WWOX: variants seen among roughly 807,000 people sequenced by gnomAD.
WWOX encodes WW domain containing oxidoreductase.
Under a neutral mutation model 46.2 loss-of-function variants are expected in WWOX, and 69 were observed. The ratio of observed to expected loss-of-function variants is 1.49; its 90% confidence interval spans 1.23 to 1.82. The LOEUF (loss-of-function observed/expected upper bound fraction) is 1.82, where lower values mean the gene tolerates loss of function less well. Among genes scored for constraint, WWOX ranks in the 40% most tolerant of loss-of-function variants. The probability of loss-of-function intolerance (pLI) is 0.00; values close to 1 mark genes in which losing one functional copy is unlikely to be tolerated. For synonymous variants in WWOX, 359 were observed against 202.6 expected (o/e 1.77, Z -6.56); for missense variants, 919 against 542.6 (o/e 1.69, Z -6.89).
chr16:78,652,196 G>C (rs1268197566), intron 8 of WWOX, among the ~76,000 whole-genome samples: 2 of 151,966 alleles, frequency 1.3e-5, no homozygotes, highest in African/African-American at 4.8e-5. Flanking sequence ...CAGATCACGA[G>C]GTCAAGAGAT....
At chr16:78,103,250 T>G (rs1289041088) in intron 1 of WWOX, among the ~76,000 whole-genome samples, 4 of 51,744 alleles carry the variant, frequency 7.7e-5, no homozygotes, top group African/African-American at 8.2e-5. Context: ...CTGTTTTTTT[T>G]TTTTTTTTTT....
At chr16:78,100,089 C>T (rs539196911) in intron 1 of WWOX, 2 of 1,381,046 alleles carry the variant, frequency 1.4e-6, no homozygotes, top group Non-Finnish European at 9.4e-7. Context: ...CGGGGGTCAC[C>T]TGGTGGCTTC....
At chr16:78,697,782 C>A (rs1025406381) in intron 8 of WWOX, among the ~76,000 whole-genome samples, 2 of 152,104 alleles carry the variant, frequency 1.3e-5, no homozygotes, top group African/African-American at 2.4e-5. Flanking sequence ...GTATTTTCAA[C>A]TCGGTATAGG....
chr16:79,100,998 G>C (rs7202200), intron 8 of WWOX: 4,710 of 152,738 alleles, frequency 0.031, 257 homozygotes, highest in African/African-American at 0.11. Context: ...GGGCAGGGGG[G>C]TGTGAATGGG....
chr16:78,356,188 A>T (rs1189208175), intron 5 of WWOX, among the ~76,000 whole-genome samples: 5 of 151,524 alleles, frequency 3.3e-5, no homozygotes, highest in Non-Finnish European at 7.4e-5. Context: ...CTCTGTCTCA[A>T]AATAAATAAA....
chr16:78,560,409 G>A (rs373153899), intron 8 of WWOX, among the ~76,000 whole-genome samples: 8 of 152,170 alleles, frequency 5.3e-5, no homozygotes, highest in Non-Finnish European at 8.8e-5. Flanking sequence ...TTGGGAGGCC[G>A]AGGTGGGTGG....
chr16:79,203,114 C>T (rs924826485), intron 8 of WWOX: 3 of 152,176 alleles, frequency 2.0e-5, no homozygotes, highest in Admixed American at 6.5e-5. Flanking sequence ...ACTAGCAACA[C>T]GCTGCTGGTG....
chr16:78,488,671 G>C (rs2084700934), intron 8 of WWOX, among the ~76,000 whole-genome samples: 1 of 152,150 alleles, frequency 6.6e-6, no homozygotes, highest in Admixed American at 6.5e-5. Flanking sequence ...GTGGCTGTAG[G>C]GGAGGGGAGG....
chr16:78,127,032 A>G (rs1043367683), intron 4 of WWOX, among the ~76,000 whole-genome samples: 1 of 152,188 alleles, frequency 6.6e-6, no homozygotes, highest in Non-Finnish European at 1.5e-5. Flanking sequence ...ATTGGTAGCA[A>G]GTTTCTATCT....
intron 8 of WWOX, among the ~76,000 whole-genome samples, chr16:79,135,561 G>C (rs770573762): frequency 9.2e-5 from 14 of 151,890 alleles, no homozygotes; most frequent in Non-Finnish European, 2.1e-4. Flanking sequence ...GACTTTCTTT[G>C]ACATATACAT....
chr16:78,641,429 T>G (rs1411604153), intron 8 of WWOX, among the ~76,000 whole-genome samples: 1 of 152,136 alleles, frequency 6.6e-6, no homozygotes, highest in African/African-American at 2.4e-5. Context: ...ATTAATAAAC[T>G]GGCGAGTCAG....
intron 5 of WWOX, among the ~76,000 whole-genome samples, chr16:78,343,812 C>G (rs2081054491): frequency 8.3e-6 from 1 of 120,160 alleles, no homozygotes; most frequent in African/African-American, 2.8e-5. Flanking sequence ...CTTTGTCATT[C>G]AGCTGCTTTA....
intron 8 of WWOX, among the ~76,000 whole-genome samples, chr16:78,454,787 G>A (rs1186318565): frequency 6.6e-6 from 1 of 152,066 alleles, no homozygotes; most frequent in Non-Finnish European, 1.5e-5. Context: ...TTGAGCCACC[G>A]TGCCCACCTG....
chr16:78,838,199 G>C (rs1387139358), intron 8 of WWOX, among the ~76,000 whole-genome samples: 2 of 152,116 alleles, frequency 1.3e-5, no homozygotes, highest in Non-Finnish European at 2.9e-5. Flanking sequence ...TGGTGAAGCA[G>C]AGGGATGCAA....
intron 8 of WWOX, chr16:79,110,876 A>T (rs1597385293): frequency 6.6e-6 from 1 of 152,206 alleles, no homozygotes; most frequent in Admixed American, 6.5e-5. Context: ...AAATGAGAAC[A>T]CTGTTATTGG....
At chr16:78,837,276 G>A (rs996575976) in intron 8 of WWOX, among the ~76,000 whole-genome samples, 3 of 152,114 alleles carry the variant, frequency 2.0e-5, no homozygotes, top group South Asian at 2.1e-4. Flanking sequence ...ACCTTTCAAC[G>A]CGAGTTTCAT....
intron 5 of WWOX, among the ~76,000 whole-genome samples, chr16:78,380,717 G>A (rs987958411): frequency 1.3e-5 from 2 of 152,014 alleles, no homozygotes; most frequent in African/African-American, 2.4e-5. Flanking sequence ...CTGACTTCCC[G>A]ATAGGGCAGG....
chr16:78,583,302 T>G (rs1365815902), intron 8 of WWOX, among the ~76,000 whole-genome samples: 1 of 152,190 alleles, frequency 6.6e-6, no homozygotes, highest in African/African-American at 2.4e-5. Flanking sequence ...AGGGTACAAC[T>G]GGCTCCAAAG....
intron 8 of WWOX, among the ~76,000 whole-genome samples, chr16:78,619,579 C>G (rs1022415461): frequency 6.6e-6 from 1 of 151,646 alleles, no homozygotes; most frequent in Non-Finnish European, 1.5e-5. Context: ...TTGTTAAATA[C>G]AGAAGTAAAT....
Sources: gnomAD v4.1 joint callset for allele counts (sites outside exome capture counted in the v4.1 genomes callset) on GRCh38, gnomAD v4.1.1 for gene constraint, MANE v1.5 for transcripts, NCBI Gene and HGNC (gene_info 2026-07-23, HGNC 2026-07-21) for gene names.